Variants in GRM7 observed in about 807,000 individuals in gnomAD.
GRM7 encodes metabotropic glutamate receptor 7.
In GRM7, 35 loss-of-function variants were observed where a neutral mutation model predicts 84.5. That is an observed-to-expected ratio of 0.41 (90% confidence interval 0.32 to 0.55). The LOEUF is 0.55. GRM7 is among the 20% of genes least tolerant of loss of function. The pLI is 0.19. For missense variants in GRM7, 1,003 were observed against 1,194.6 expected (o/e 0.84, Z 2.36); for synonymous variants, 487 against 455.1 (o/e 1.07, Z -0.89).
At chr3:7,609,577 G>C (rs73116087) in intron 8 of GRM7, among the ~76,000 whole-genome samples, 2,750 of 151,824 alleles carry the variant, frequency 0.018, 86 homozygotes, top group African/African-American at 0.062. Flanking sequence ...GTATGGGTAG[G>C]TGGGTGAATG....
intron 1 of GRM7, among the ~76,000 whole-genome samples, chr3:7,137,745 G>C (rs541322007): frequency 0.019 from 1 of 52 alleles, no homozygotes; most frequent in South Asian, 0.5. Flanking sequence ...AATATTTGGA[G>C]TGGTGCAATT....
intron 2 of GRM7, among the ~76,000 whole-genome samples, chr3:7,177,538 AAGGG>A (rs141170709): frequency 0.038 from 5,164 of 136,344 alleles, 324 homozygotes; most frequent in African/African-American, 0.13. Flanking sequence ...AGGAGGGAGG[AAGGG>A]AGGGAGGGAG....
At position 7,677,089 on chromosome 3, in the gene GRM7, G is replaced by A. The variant is rs566405251; in HGVS notation, c.2452-2960G>A. Among the ~76,000 whole-genome samples, 253 of 151,568 alleles carry A rather than the reference G, an allele frequency of 1.7e-3. 1 individual carries two copies. The highest frequency in any genetic ancestry group is 5.8e-3 in the African/African-American group (240 of 41,348). On this transcript the variant is annotated intron_variant, in intron 8 of 9. Transcript: ENST00000357716. ...ATCCTGGCTAACACGGTGAAACCCC[G>A]TCTCTACTAAAAATACAAAAAAATT...
intron 4 of GRM7, among the ~76,000 whole-genome samples, chr3:7,374,630 C>T (rs1034332173): frequency 2.0e-5 from 3 of 150,684 alleles, no homozygotes; most frequent in African/African-American, 7.4e-5. Context: ...AGGTGCCCGC[C>T]ACCATACCTG....
intron 5 of GRM7, among the ~76,000 whole-genome samples, chr3:7,426,242 C>G (rs1019425038): frequency 6.6e-6 from 1 of 152,046 alleles, no homozygotes; most frequent in African/African-American, 2.4e-5. Context: ...GCCTCAGCCT[C>G]CCGAGTAGCT....
intron 4 of GRM7, among the ~76,000 whole-genome samples, chr3:7,371,231 C>A (rs1299426941): frequency 6.6e-6 from 1 of 152,104 alleles, no homozygotes; most frequent in Non-Finnish European, 1.5e-5. Context: ...TGGCAGATTG[C>A]TATGGAAGCT....
intron 2 of GRM7, among the ~76,000 whole-genome samples, chr3:7,239,410 A>G (rs544103882): frequency 2.0e-4 from 31 of 152,246 alleles, no homozygotes; most frequent in African/African-American, 7.5e-4. Context: ...AAGCTCTGGG[A>G]TCATAGTTTG....
At chr3:7,508,627 A>T (rs921693235) in intron 7 of GRM7, among the ~76,000 whole-genome samples, 3 of 152,158 alleles carry the variant, frequency 2.0e-5, no homozygotes, top group African/African-American at 7.2e-5. Context: ...TATCTTTAGC[A>T]ATCATTTAAG....
chr3:6,889,435 G>C (rs1695842091), intron 1 of GRM7, among the ~76,000 whole-genome samples: 1 of 150,802 alleles, frequency 6.6e-6, no homozygotes, highest in Admixed American at 6.6e-5. Flanking sequence ...AGAGTTTTTA[G>C]CATGAAGCGT....
At chr3:7,387,597 A>G (rs888104022) in intron 4 of GRM7, among the ~76,000 whole-genome samples, 4 of 152,188 alleles carry the variant, frequency 2.6e-5, no homozygotes, top group Admixed American at 2.6e-4. Context: ...AATTAGTTGT[A>G]GGTGTGCAGC....
intron 7 of GRM7, among the ~76,000 whole-genome samples, chr3:7,485,707 T>A (rs1348837660): frequency 6.6e-6 from 1 of 152,236 alleles, no homozygotes; most frequent in Admixed American, 6.5e-5. Flanking sequence ...GCCCTTGTTT[T>A]CCCAGAGGGC....
At chr3:7,479,089 T>G (rs938920152) in intron 7 of GRM7, among the ~76,000 whole-genome samples, 1 of 151,978 alleles carries the variant, frequency 6.6e-6, no homozygotes, top group African/African-American at 2.4e-5. Flanking sequence ...CCTAGTCTGC[T>G]TTTCCCCAAA....
In GRM7 at chr3:6,928,052, A is replaced by G. The variant is rs752517390; in HGVS notation, c.519+66145A>G. ...CAGAAATCTAAATCTAGACCTTCAC[A>G]TTTGAAATTATTTCAGTTATATCCC... On this transcript the variant is annotated intron_variant, in intron 1 of 9. Coordinates refer to ENST00000357716, the MANE Select transcript of GRM7 (RefSeq NM_000844.4). The surrounding 1 kb of genome is among the most constrained non-coding windows in gnomAD (Gnocchi z 4.5). 1.1e-4 allele frequency among the ~76,000 whole-genome samples: 16 copies of G among 151,804 alleles called. No individual in the cohort carries two copies. Among genetic ancestry groups the G allele is most frequent in the Non-Finnish European group, 1.6e-4 (11 of 67,956 alleles).
At chr3:7,127,635 A>G (rs1352884990) in intron 1 of GRM7, among the ~76,000 whole-genome samples, 1 of 152,182 alleles carries the variant, frequency 6.6e-6, no homozygotes, top group Non-Finnish European at 1.5e-5. Context: ...AGTTATACAT[A>G]ACATATATAA....
chr3:6,968,270 G>A (rs1693605531), intron 1 of GRM7, among the ~76,000 whole-genome samples: 1 of 151,960 alleles, frequency 6.6e-6, no homozygotes, highest in South Asian at 2.1e-4. Flanking sequence ...TCTTTCCTCT[G>A]TGCCTGTCTG....
chr3:7,726,639 A>C (rs1226638198), intron 9 of GRM7, among the ~76,000 whole-genome samples: 7,868 of 107,604 alleles, frequency 0.073, 815 homozygotes, highest in African/African-American at 0.081. Flanking sequence ...ATATATATAT[A>C]TATATATATA....
chr3:7,475,483 A>G (rs976765916), intron 7 of GRM7, among the ~76,000 whole-genome samples: 2 of 152,126 alleles, frequency 1.3e-5, no homozygotes, highest in African/African-American at 4.8e-5. Context: ...CATTAACAGT[A>G]TAGATCACCT....
intron 9 of GRM7, among the ~76,000 whole-genome samples, chr3:7,708,522 G>T (rs572222955): frequency 6.6e-6 from 1 of 152,182 alleles, no homozygotes; most frequent in African/African-American, 2.4e-5. Flanking sequence ...CAGAGAGGAA[G>T]GTCATGGTCT....
chr3:6,893,323 T>G (rs1696042811), intron 1 of GRM7, among the ~76,000 whole-genome samples: 1 of 152,172 alleles, frequency 6.6e-6, no homozygotes, highest in Non-Finnish European at 1.5e-5. Context: ...TAAGATGTCT[T>G]AATAGATAAT....
Sources: allele counts gnomAD v4.1 joint callset (sites outside exome capture counted in the v4.1 genomes callset), GRCh38; gene constraint gnomAD v4.1.1; non-coding constraint Gnocchi (gnomAD v3.1); transcripts MANE v1.5; gene names NCBI Gene and HGNC (gene_info 2026-07-23, HGNC 2026-07-21).